The following DNM1L variants were observed in gnomAD, a reference collection of about 807,000 sequenced individuals.
DNM1L encodes dynamin 1L.
Under a neutral mutation model 92.8 loss-of-function variants are expected in DNM1L, and 33 were observed. The observed-to-expected ratio is 0.36, with a 90% CI of 0.27 to 0.48. The LOEUF (loss-of-function observed/expected upper bound fraction) is 0.48, where lower values mean the gene tolerates loss of function less well. Ranked by LOEUF, DNM1L falls within the 20% of genes least tolerant of loss-of-function variation. DNM1L has a pLI of 0.99. For missense variants in DNM1L, 485 were observed against 888.8 expected (o/e 0.55, Z 5.78); for synonymous variants, 284 against 305.0 (o/e 0.93, Z 0.72).
chr12:32,691,805 C>T (rs1208376856), intron 1 of DNM1L, among the ~76,000 whole-genome samples: 1 of 152,078 alleles, frequency 6.6e-6, no homozygotes, highest in Admixed American at 6.6e-5. Flanking sequence ...AGGAGAGAAA[C>T]GATAATCCTA....
At chr12:32,735,509 A>AT (rs1204248556) in intron 13 of DNM1L, among the ~76,000 whole-genome samples, 7 of 152,076 alleles carry the variant, frequency 4.6e-5, no homozygotes, top group African/African-American at 1.7e-4. Flanking sequence ...ATTATCTGTT[A>AT]TTTTTTATTA....
rs531960804 is a variant in DNM1L at position 32,690,341 on chromosome 12, T to TA, written c.102+10883dup. 1.5e-4 allele frequency among the ~76,000 whole-genome samples: 23 copies of TA among 152,304 alleles called. No homozygotes were observed. The East Asian group carries it at 4.0e-3, about 27-fold the overall frequency. ...AAGGCCCAGATTTCTGGTTTTGCCTTAAAAAAATCAGAAAATCTGATAACC... is the reference window on the plus strand; with the variant it reads ...AAGGCCCAGATTTCTGGTTTTGCCTTAAAAAAAATCAGAAAATCTGATAACC... On this transcript the variant is annotated intron_variant, in intron 1 of 19. Coordinates refer to ENST00000549701, the MANE Select transcript of DNM1L (RefSeq NM_012062.5).
Position 32,731,832 on chromosome 12 carries a change from T to A in DNM1L, c.1357-22T>A. 6.5e-7 allele frequency: 1 copy of A among 1,541,942 alleles called. No homozygotes were observed. Among genetic ancestry groups the A allele is most frequent in the South Asian group, 1.1e-5 (1 of 89,026 alleles). On this transcript the variant is annotated intron_variant, in intron 11 of 19. Transcript: ENST00000549701. The surrounding 1 kb of genome is among the most constrained non-coding windows in gnomAD (Gnocchi z 5.1). Reference sequence around the variant, plus strand: ...AAAAAAACAAAAAACAAACACGTTTTTCTTTCATCTACCATTTGTAGGAAT... The same window carrying A: ...AAAAAAACAAAAAACAAACACGTTTATCTTTCATCTACCATTTGTAGGAAT...
intron 2 of DNM1L, chr12:32,705,808 T>C: frequency 6.3e-7 from 1 of 1,597,020 alleles, no homozygotes; most frequent in South Asian, 1.1e-5. Flanking sequence ...TTCTGTGCTG[T>C]TTCTCTTTAA....
At chr12:32,691,207 T>G (rs890293000) in intron 1 of DNM1L, among the ~76,000 whole-genome samples, 57 of 152,148 alleles carry the variant, frequency 3.7e-4, no homozygotes, top group Non-Finnish European at 1.2e-4. Context: ...CTTGTAAGAA[T>G]GTCAGTCAGT....
chr12:32,737,477 T>G (rs1954972509), intron 14 of DNM1L: 1 of 389,640 alleles, frequency 2.6e-6, no homozygotes, highest in South Asian at 3.0e-5. Context: ...CAAGATTTTA[T>G]TATAATAAGA....
chr12:32,682,075 A>G (rs1951827186), intron 1 of DNM1L, among the ~76,000 whole-genome samples: 1 of 151,956 alleles, frequency 6.6e-6, no homozygotes, highest in Non-Finnish European at 1.5e-5. Flanking sequence ...TTCAGTTTCT[A>G]TCTTGTTGAA....
intron 1 of DNM1L, among the ~76,000 whole-genome samples, chr12:32,691,106 G>C (rs1425287110): frequency 6.6e-6 from 1 of 152,120 alleles, no homozygotes; most frequent in East Asian, 1.9e-4. Flanking sequence ...AGTGTCAGCA[G>C]GTTTGGTTTC....
rs1419828894 is a variant in DNM1L at position 32,743,828 on chromosome 12, T to C, written c.*418T>C. 4.9e-6 allele frequency: 1 copy of C among 203,660 alleles called. No individual in the cohort carries two copies. Among genetic ancestry groups the C allele is most frequent in the African/African-American group, 2.3e-5 (1 of 43,088 alleles). The allele number at this position is 203,660 out of a possible 1,614,324, so 12.6% of individuals were successfully genotyped here. A position where few individuals can be genotyped will look rare whatever the true frequency, so the allele number is the denominator to read the frequency against. ...ACATTTCATATGACTATAATGCATGTACTATATAAGCTGATCTGGCTTTGA... is the reference window on the plus strand; with the variant it reads ...ACATTTCATATGACTATAATGCATGCACTATATAAGCTGATCTGGCTTTGA... On this transcript the variant is annotated 3_prime_UTR_variant, in exon 20 of 20. Transcript: ENST00000549701.
intron 1 of DNM1L, among the ~76,000 whole-genome samples, chr12:32,681,573 C>G (rs1205567422): frequency 4.2e-5 from 6 of 144,500 alleles, no homozygotes; most frequent in African/African-American, 7.7e-5. Context: ...CCGCCCCCCC[C>G]GCCCCTATTT....
At chr12:32,706,510 C>G (rs147755417) in intron 2 of DNM1L, among the ~76,000 whole-genome samples, 1 of 152,342 alleles carries the variant, frequency 6.6e-6, no homozygotes, top group African/African-American at 2.4e-5. Flanking sequence ...CTATATCTTG[C>G]TCTCCAAGTT....
intron 2 of DNM1L, 116 bp from the exon 3 acceptor site, chr12:32,707,251 T>G: frequency 2.5e-6 from 2 of 784,796 alleles, no homozygotes; most frequent in South Asian, 3.5e-5. Flanking sequence ...TAACTTGTAC[T>G]TAATGGCAAA....
Position 32,743,774 on chromosome 12 carries a change from T to G in DNM1L, c.*364T>G. ...GTTAGTAGTCTTAAAGCTGCTGCCA[T>G]AGTCCTCCAAGAAGAAAGCACCAAG... is the stretch of plus-strand genomic sequence containing the variant. On this transcript the variant is annotated 3_prime_UTR_variant, in exon 20 of 20. Transcript: ENST00000549701. The G allele has an allele frequency of 3.9e-6, 1 of 257,000 alleles. No homozygotes were observed. The highest frequency in any genetic ancestry group is 8.6e-5 in the East Asian group (1 of 11,572). The allele number at this position is 257,000 out of a possible 1,614,324, so 15.9% of individuals were successfully genotyped here.
chr12:32,718,485 A>T (rs1045966925), intron 6 of DNM1L, among the ~76,000 whole-genome samples, 158 bp from the exon 7 acceptor site: 5 of 152,150 alleles, frequency 3.3e-5, no homozygotes, highest in Non-Finnish European at 5.9e-5. Flanking sequence ...CATTATTTTT[A>T]AAAAAGCACT....
chr12:32,721,986 C>T (rs1320209139), intron 8 of DNM1L, among the ~76,000 whole-genome samples: 2 of 152,190 alleles, frequency 1.3e-5, no homozygotes, highest in Admixed American at 6.5e-5. Context: ...GTGGAGCTTC[C>T]GTGCCCTCTC....
chr12:32,709,200 T>C (rs538164290), intron 4 of DNM1L, among the ~76,000 whole-genome samples: 1 of 152,312 alleles, frequency 6.6e-6, no homozygotes, highest in East Asian at 1.9e-4. Flanking sequence ...CATACTTTCC[T>C]GAATTTCTAG....
rs531445737 is a variant in DNM1L, at chr12:32,703,047, C to G, written c.250+1485C>G. Among the ~76,000 whole-genome samples the G allele has an allele frequency of 6.5e-3, 701 of 107,122 alleles. 6 individuals carry two copies. The highest frequency in any genetic ancestry group is 0.022 in the Middle Eastern group (4 of 182). The allele number at this position is 107,122 out of a possible 152,430, so 70.3% of individuals were successfully genotyped here. A position where few individuals can be genotyped will look rare whatever the true frequency, so the allele number is the denominator to read the frequency against. ...AGACACTATATGATATTAGGTCTTTCTCTCTCTCTCTTTTTTTTTTTTTTA... is the reference window on the plus strand; with the variant it reads ...AGACACTATATGATATTAGGTCTTTGTCTCTCTCTCTTTTTTTTTTTTTTA... On this transcript the variant is annotated intron_variant, in intron 2 of 19. Transcript: ENST00000549701.
At chr12:32,683,743 CTG>C (rs1951891999) in intron 1 of DNM1L, among the ~76,000 whole-genome samples, 1 of 151,926 alleles carries the variant, frequency 6.6e-6, no homozygotes, top group African/African-American at 2.4e-5. Flanking sequence ...TGGGGTTTCA[CTG>C]TGTTGGTCAG....
chr12:32,735,138 C>T (rs1397916609), intron 13 of DNM1L, among the ~76,000 whole-genome samples: 3 of 152,154 alleles, frequency 2.0e-5, no homozygotes, highest in African/African-American at 7.2e-5. Flanking sequence ...CTGACAAGGT[C>T]ATATGTGATA....
Sources: gnomAD v4.1 joint callset for allele counts (sites outside exome capture counted in the v4.1 genomes callset) on GRCh38, gnomAD v4.1.1 for gene constraint, Gnocchi (gnomAD v3.1) non-coding constraint, MANE v1.5 for transcripts, NCBI Gene and HGNC (gene_info 2026-07-23, HGNC 2026-07-21) for gene names.